PHLPP2: variants seen among roughly 807,000 people sequenced by gnomAD.
The protein encoded by PHLPP2 is PH domain leucine-rich repeat-containing protein phosphatase 2.
Under a neutral mutation model 124.9 loss-of-function variants are expected in PHLPP2, and 66 were observed. That is an observed-to-expected ratio of 0.53 (90% CI 0.43 to 0.65). The LOEUF is 0.65. Ranked by LOEUF, PHLPP2 falls within the 30% of genes least tolerant of loss-of-function variation. The pLI is 0.00. For synonymous variants in PHLPP2, 681 were observed against 624.7 expected, an observed-to-expected ratio of 1.09 and a Z score of -1.34; for missense variants, 1,685 against 1,600.4, an observed-to-expected ratio of 1.05 and a Z score of -0.90.
chr16:71,697,358 G>A (rs1333182287), intron 3 of PHLPP2, among the ~76,000 whole-genome samples: 1 of 151,986 alleles, frequency 6.6e-6, no homozygotes, highest in East Asian at 1.9e-4. Flanking sequence ...AGGTAGAAGT[G>A]GCGCACATCA....
intron 4 of PHLPP2, among the ~76,000 whole-genome samples, chr16:71,688,761 C>G (rs1298554906): frequency 6.6e-6 from 1 of 152,174 alleles, no homozygotes; most frequent in East Asian, 1.9e-4. Flanking sequence ...TCAAGCAACT[C>G]TACTTACTTT....
intron 14 of PHLPP2, 59 bp downstream of exon 14, chr16:71,658,594 G>A: frequency 6.7e-7 from 1 of 1,503,654 alleles, no homozygotes; most frequent in Non-Finnish European, 9.1e-7. Context: ...GGAAAATAAT[G>A]TCATTCACTC....
intron 1 of PHLPP2, among the ~76,000 whole-genome samples, chr16:71,716,361 C>T (rs778905468): frequency 6.6e-6 from 1 of 152,168 alleles, no homozygotes; most frequent in Non-Finnish European, 1.5e-5. Flanking sequence ...CAACACAATA[C>T]TGCACAAATA....
In PHLPP2 at chr16:71,655,376, C is replaced by A; in HGVS notation, c.2449G>T (p.Gly817Cys). 6.2e-7 allele frequency: 1 copy of A among 1,614,014 alleles called. No homozygotes were observed. Among genetic ancestry groups the A allele is most frequent in the South Asian group, 1.1e-5 (1 of 91,080 alleles). Reference protein sequence around the residue: ...SFAEGVGAVYGMFDGDRNEEL... With the variant: ...SFAEGVGAVYCMFDGDRNEEL... ...TCATTTCGGTCTCCATCAAACATGCCATACACAGCTCCCACCCCCTCTGCA... is the reference window on the plus strand; with the variant it reads ...TCATTTCGGTCTCCATCAAACATGCAATACACAGCTCCCACCCCCTCTGCA... Residue 817 changes from glycine (G) to cysteine (C), a missense_variant, in exon 17 of 19, where the codon GGC becomes TGC. Coordinates refer to ENST00000568954, the MANE Select transcript of PHLPP2 (RefSeq NM_015020.3).
At chr16:71,696,204 T>C (rs536200948) in intron 3 of PHLPP2, among the ~76,000 whole-genome samples, 1 of 152,160 alleles carries the variant, frequency 6.6e-6, no homozygotes, top group African/African-American at 2.4e-5. Flanking sequence ...CAAATTAACA[T>C]GAGATAGTAT....
At position 71,647,277 on chromosome 16, in the gene PHLPP2, C is replaced by A. The variant is rs2044660162; in HGVS notation, c.*1613G>T. 6.6e-6 allele frequency: 1 copy of A among 152,562 alleles called. No individual in the cohort carries two copies. The highest frequency in any genetic ancestry group is 2.4e-5 in the African/African-American group (1 of 41,430). 9.5% of individuals were successfully genotyped at this position (152,562 alleles called of 1,614,324 possible). The stretch of plus-strand genomic sequence containing the variant: ...AAAAAGTGACAGAAGTATGAAGAAA[C>A]TGCATTTTGCTAGGGTTATGTGGAA... On this transcript the variant is annotated 3_prime_UTR_variant, in exon 19 of 19. Coordinates refer to ENST00000568954, the MANE Select transcript of PHLPP2 (RefSeq NM_015020.3).
At chr16:71,663,112 T>G (rs117086263) in intron 13 of PHLPP2, among the ~76,000 whole-genome samples, 4,774 of 152,220 alleles carry the variant, frequency 0.031, 116 homozygotes, top group Non-Finnish European at 0.052. Context: ...TTTATTTTAT[T>G]TACTTAGTTA....
At chr16:71,656,506 G>A (rs1267829829) in intron 16 of PHLPP2, 65 bp downstream of exon 16, 2 of 865,886 alleles carry the variant, frequency 2.3e-6, no homozygotes, top group Non-Finnish European at 4.0e-6. Context: ...ATGAGCATCA[G>A]GCCAGTTCTC....
chr16:71,700,738 G>C (rs1031933392), intron 3 of PHLPP2, among the ~76,000 whole-genome samples: 3 of 151,950 alleles, frequency 2.0e-5, no homozygotes, highest in African/African-American at 7.2e-5. Context: ...TGTTAGCCAG[G>C]ATGGTCTCAA....
intron 5 of PHLPP2, among the ~76,000 whole-genome samples, chr16:71,682,235 T>G (rs796872697): frequency 3.5e-3 from 514 of 147,642 alleles, no homozygotes; most frequent in African/African-American, 0.011. Context: ...TTTTTTTTTT[T>G]GGGACAGAGT....
chr16:71,653,120 T>C, intron 17 of PHLPP2, 99 bp from the exon 18 acceptor site: 1 of 606,620 alleles, frequency 1.6e-6, no homozygotes, highest in Non-Finnish European at 2.7e-6. Context: ...TTTTTTTTTT[T>C]ACCATGTGAT....
intron 3 of PHLPP2, among the ~76,000 whole-genome samples, chr16:71,695,301 T>C (rs1457363324): frequency 6.6e-6 from 1 of 152,172 alleles, no homozygotes; most frequent in Non-Finnish European, 1.5e-5. Flanking sequence ...ATAATTTTAC[T>C]AAAATGGCTG....
chr16:71,664,115 C>G lies in PHLPP2; in HGVS notation c.1785-16G>C, dbSNP rs746093131. ...GTATCTGAGACTGACAGAACACACA[C>G]AGATCATCACCTCCTTTAAGTTTAT... On this transcript the variant is annotated splice_polypyrimidine_tract_variant and intron_variant, in intron 12 of 18. Coordinates refer to ENST00000568954, the MANE Select transcript of PHLPP2 (RefSeq NM_015020.3). 4 of 1,562,026 alleles carry G rather than the reference C, an allele frequency of 2.6e-6. No homozygotes were observed. Among genetic ancestry groups the G allele is most frequent in the Non-Finnish European group, 3.5e-6 (4 of 1,132,530 alleles).
chr16:71,695,870 T>C (rs1346487219), intron 3 of PHLPP2, among the ~76,000 whole-genome samples: 1 of 152,152 alleles, frequency 6.6e-6, no homozygotes, highest in Admixed American at 6.5e-5. Context: ...GAATATATAC[T>C]ATATAAAAAT....
At position 71,676,562 on chromosome 16, in the gene PHLPP2, A is replaced by C; in HGVS notation, c.1356T>G (p.Thr452=). ...TGCATAAGGAGCTAAGATCCAAGTC[A>C]GTCAGTCGGTTGTCCCGCAGATCCA... The part of the protein sequence containing the change: ...THVDLRDNRL[T]DLDLSSLCSL... The change falls in exon 9 of 19, where the codon ACT becomes ACG. Residue 452 remains threonine, a synonymous_variant. Transcript: ENST00000568954. 6.2e-7 allele frequency: 1 copy of C among 1,614,040 alleles called. No homozygotes were observed.
intron 3 of PHLPP2, among the ~76,000 whole-genome samples, chr16:71,695,055 G>A (rs546717292): frequency 6.6e-6 from 1 of 152,156 alleles, no homozygotes. Context: ...AAAGTGCTGG[G>A]ATTACAGGCA....
rs1165412817 is a variant in PHLPP2 at position 71,656,617 on chromosome 16, T to C, written c.2344A>G (p.Thr782Ala). 2 of 1,613,792 alleles carry C rather than the reference T, an allele frequency of 1.2e-6. No homozygotes were observed. Among genetic ancestry groups the C allele is most frequent in the Admixed American group, 1.7e-5 (1 of 60,010 alleles). Residue 782 changes from threonine (T) to alanine (A), a missense_variant, in exon 16 of 19, where the codon ACC becomes GCC. Coordinates refer to ENST00000568954, the MANE Select transcript of PHLPP2 (RefSeq NM_015020.3). ...LPTTDSTVTSTFWSHGLAEMA... is the reference protein window; with the variant it reads ...LPTTDSTVTSAFWSHGLAEMA... ...TCAGCCAGTCCATGGCTCCAGAAGG[T>C]TGACGTAACTGTAGAATCTGTGGTT...
chr16:71,664,226 A>G (rs76451430), intron 12 of PHLPP2, 127 bp from the exon 13 acceptor site: 2 of 668,060 alleles, frequency 3.0e-6, no homozygotes, highest in Non-Finnish European at 5.1e-6. Flanking sequence ...AAAAAAAAAA[A>G]TCTCCACGTA....
chr16:71,709,996 C>T (rs2045313151), intron 2 of PHLPP2, among the ~76,000 whole-genome samples: 1 of 152,140 alleles, frequency 6.6e-6, no homozygotes, highest in African/African-American at 2.4e-5. Context: ...TGTGCACCAC[C>T]ATGCCTGTCT....
Sources: gnomAD v4.1 joint callset for allele counts (sites outside exome capture counted in the v4.1 genomes callset) on GRCh38, gnomAD v4.1.1 for gene constraint, MANE v1.5 for transcripts, NCBI Gene and HGNC (gene_info 2026-07-23, HGNC 2026-07-21) for gene names.